The following RAB6A variants were observed in gnomAD, a reference collection of about 807,000 sequenced individuals.
RAB6A encodes ras-related protein Rab-6A.
A neutral mutation model predicts 32.3 loss-of-function variants in RAB6A; 8 were observed. The ratio of observed to expected loss-of-function variants is 0.25; its 90% CI spans 0.15 to 0.45. RAB6A has a LOEUF of 0.45. Ranked by LOEUF, RAB6A falls within the 20% of genes least tolerant of loss-of-function variation. The probability of loss-of-function intolerance (pLI) is 1.00; values close to 1 mark genes in which losing one functional copy is unlikely to be tolerated. For missense variants in RAB6A, 104 were observed against 249.4 expected, an observed-to-expected ratio of 0.42 and a Z score of 3.93; for synonymous variants, 73 against 82.1, an observed-to-expected ratio of 0.89 and a Z score of 0.60.
chr11:73,721,307 C>G (rs1401024738), intron 2 of RAB6A, among the ~76,000 whole-genome samples: 1 of 152,202 alleles, frequency 6.6e-6, no homozygotes, highest in Non-Finnish European at 1.5e-5. Context: ...TTATAAAATA[C>G]TGTTGATATA....
chr11:73,710,929 T>A (rs1363356975), intron 5 of RAB6A, among the ~76,000 whole-genome samples: 6 of 152,026 alleles, frequency 3.9e-5, no homozygotes, highest in Non-Finnish European at 5.9e-5. Flanking sequence ...AACTTATAAT[T>A]TATCTTTCCT....
chr11:73,699,840 T>C (rs1404117319), intron 6 of RAB6A, among the ~76,000 whole-genome samples: 1 of 152,192 alleles, frequency 6.6e-6, no homozygotes, highest in African/African-American at 2.4e-5. Flanking sequence ...CCAACTGTGG[T>C]AGACATGGGA....
intron 2 of RAB6A, among the ~76,000 whole-genome samples, chr11:73,727,280 G>C (rs1157078382): frequency 6.6e-6 from 1 of 151,786 alleles, no homozygotes; most frequent in African/African-American, 2.4e-5. Context: ...TTTTTAATTA[G>C]CTGGGAGTGG....
chr11:73,693,250 T>C (rs911447011), intron 6 of RAB6A, among the ~76,000 whole-genome samples: 1 of 151,990 alleles, frequency 6.6e-6, no homozygotes, highest in Non-Finnish European at 1.5e-5. Flanking sequence ...ATCACGCCAC[T>C]GTACTCCGGC....
chr11:73,756,021 A>G (rs1216190703), intron 1 of RAB6A, among the ~76,000 whole-genome samples: 2 of 152,050 alleles, frequency 1.3e-5, no homozygotes, highest in African/African-American at 2.4e-5. Flanking sequence ...GGTCTTGGGG[A>G]AAAAAAGTTT....
At chr11:73,716,495 T>A (rs1046353255) in intron 4 of RAB6A, 133 bp from the exon 5 acceptor site, 1 of 566,878 alleles carries the variant, frequency 1.8e-6, no homozygotes, top group Non-Finnish European at 3.2e-6. Context: ...TTAATGTGCC[T>A]GCAACATAAC....
intron 4 of RAB6A, among the ~76,000 whole-genome samples, chr11:73,717,006 T>A (rs370810219): frequency 2.7e-4 from 41 of 151,598 alleles, no homozygotes; most frequent in African/African-American, 8.9e-4. Context: ...TTTGTGGATT[T>A]AAAAAAAAAT....
intron 1 of RAB6A, among the ~76,000 whole-genome samples, chr11:73,751,273 G>A (rs1946665591): frequency 6.6e-6 from 1 of 152,128 alleles, no homozygotes; most frequent in African/African-American, 2.4e-5. Context: ...GGGCAACACA[G>A]AAAGACCCCG....
chr11:73,685,344 A>G (rs1191399039), intron 6 of RAB6A, among the ~76,000 whole-genome samples: 1 of 133,068 alleles, frequency 7.5e-6, no homozygotes, highest in Non-Finnish European at 1.5e-5. Context: ...GCTGGAGTGC[A>G]GTGGCGCGAT....
intron 6 of RAB6A, among the ~76,000 whole-genome samples, chr11:73,685,388 A>G (rs1307430816): frequency 7.0e-6 from 1 of 143,264 alleles, no homozygotes; most frequent in Non-Finnish European, 1.5e-5. Flanking sequence ...TCCTGGGTTC[A>G]AGCTGTTCTC....
intron 1 of RAB6A, among the ~76,000 whole-genome samples, chr11:73,739,284 A>AAAAAAATAT (rs1208877325): frequency 3.0e-3 from 20 of 6,750 alleles, no homozygotes; most frequent in Admixed American, 6.9e-3. Context: ...AAAAAAAAAA[A>AAAAAAATAT]ATATATATAT....
intron 2 of RAB6A, among the ~76,000 whole-genome samples, chr11:73,724,062 A>G (rs1946181101): frequency 6.6e-6 from 1 of 152,214 alleles, no homozygotes; most frequent in South Asian, 2.1e-4. Flanking sequence ...ACTGTTTCTC[A>G]AATTCCATAT....
intron 1 of RAB6A, among the ~76,000 whole-genome samples, chr11:73,753,040 G>A (rs1946691340): frequency 6.6e-6 from 1 of 152,130 alleles, no homozygotes. Context: ...CTTGAGGCCA[G>A]GAGTTGGAAA....
intron 6 of RAB6A, among the ~76,000 whole-genome samples, chr11:73,695,243 C>T (rs532004667): frequency 9.2e-5 from 14 of 151,916 alleles, no homozygotes; most frequent in Non-Finnish European, 2.1e-4. Flanking sequence ...AAAGAAAAAC[C>T]TATTTCTTAA....
intron 5 of RAB6A, among the ~76,000 whole-genome samples, chr11:73,714,230 A>ATATATG (rs71890214): frequency 1.1e-4 from 5 of 46,466 alleles, no homozygotes; most frequent in Non-Finnish European, 2.8e-4. Flanking sequence ...ATATATATAT[A>ATATATG]CACACATATA....
intron 6 of RAB6A, among the ~76,000 whole-genome samples, chr11:73,686,216 AAACTGC>A (rs1945453702): frequency 1.3e-5 from 2 of 152,210 alleles, no homozygotes; most frequent in Non-Finnish European, 2.9e-5. Flanking sequence ...AATATTTATT[AAACTGC>A]TTGCCTATTC....
At chr11:73,686,225 G>C (rs930401496) in intron 6 of RAB6A, among the ~76,000 whole-genome samples, 2 of 152,094 alleles carry the variant, frequency 1.3e-5, no homozygotes, top group Admixed American at 1.3e-4. Flanking sequence ...TAAACTGCTT[G>C]CCTATTCAAG....
At chr11:73,722,367 T>TTTTTTTTTTTTTTG (rs1393411671) in intron 2 of RAB6A, 2 of 81,784 alleles carry the variant, frequency 2.4e-5, no homozygotes, top group African/African-American at 4.8e-5. Flanking sequence ...TTTTTTTTTT[T>TTTTTTTTTTTTTTG]GAGACAGTCT....
In RAB6A at chr11:73,723,437, T is replaced by C. The variant is rs371047668; in HGVS notation, c.130-2538A>G. 2.5e-4 allele frequency among the ~76,000 whole-genome samples: 38 copies of C among 152,292 alleles called. 1 individual carries two copies. Among genetic ancestry groups the C allele is most frequent in the African/African-American group, 8.4e-4 (35 of 41,552 alleles). ...GCCTCCTAGGTTCAAGCAATTGTCCTGCCTCAGCTTCCCAAGCAGCTGAGA... is the reference window on the plus strand; with the variant it reads ...GCCTCCTAGGTTCAAGCAATTGTCCCGCCTCAGCTTCCCAAGCAGCTGAGA... On this transcript the variant is annotated intron_variant, in intron 2 of 7. Coordinates refer to ENST00000336083, the MANE Select transcript of RAB6A (RefSeq NM_198896.2).
Sources: allele counts gnomAD v4.1 joint callset (sites outside exome capture counted in the v4.1 genomes callset), GRCh38; gene constraint gnomAD v4.1.1; transcripts MANE v1.5; gene names NCBI Gene and HGNC (gene_info 2026-07-23, HGNC 2026-07-21).